DCDC1: variants seen among roughly 807,000 people sequenced by gnomAD.
The protein encoded by DCDC1 is doublecortin domain-containing protein 1.
DCDC1 carries 200 observed loss-of-function variants against 178.3 expected under a neutral mutation model. The ratio of observed to expected loss-of-function variants is 1.12; its 90% CI spans 1.00 to 1.26. The LOEUF is 1.26. Ranked by LOEUF, DCDC1 falls within the 50% of genes most tolerant of loss-of-function variation. The pLI is 0.00. For synonymous variants in DCDC1, 690 were observed against 604.8 expected, an observed-to-expected ratio of 1.14 and a Z score of -2.07; for missense variants, 1,983 against 1,749.2, an observed-to-expected ratio of 1.13 and a Z score of -2.38.
chr11:31,158,985 T>C (rs1966028288), intron 9 of DCDC1, among the ~76,000 whole-genome samples: 2 of 151,446 alleles, frequency 1.3e-5, no homozygotes, highest in Non-Finnish European at 2.9e-5. Context: ...AACATACCAA[T>C]AATATAAATT....
At chr11:30,875,079 A>C (rs1941992224) in intron 38 of DCDC1, among the ~76,000 whole-genome samples, 1 of 152,182 alleles carries the variant, frequency 6.6e-6, no homozygotes, top group South Asian at 2.1e-4. Flanking sequence ...CCTTGATAGT[A>C]GTTTCATATT....
chr11:30,918,361 C>T (rs80275587), intron 25 of DCDC1, among the ~76,000 whole-genome samples: 2,702 of 152,224 alleles, frequency 0.018, 83 homozygotes, highest in African/African-American at 0.062. Context: ...CTCCTTTAAT[C>T]AATATTTATT....
intron 9 of DCDC1, among the ~76,000 whole-genome samples, chr11:31,229,831 G>C (rs1277994847): frequency 1.3e-5 from 2 of 152,046 alleles, no homozygotes; most frequent in African/African-American, 2.4e-5. Flanking sequence ...TACACTTTAT[G>C]ATAAAAACAC....
intron 20 of DCDC1, among the ~76,000 whole-genome samples, chr11:31,005,043 T>A (rs1411662109): frequency 6.6e-6 from 1 of 152,204 alleles, no homozygotes; most frequent in Non-Finnish European, 1.5e-5. Flanking sequence ...ACTGATATGA[T>A]ATTTTATATC....
At chr11:30,977,938 A>T (rs943829059) in intron 20 of DCDC1, among the ~76,000 whole-genome samples, 1 of 152,232 alleles carries the variant, frequency 6.6e-6, no homozygotes, top group Admixed American at 6.5e-5. Context: ...TCCTAAAAAA[A>T]CCAAACAGTA....
intron 3 of DCDC1, chr11:31,314,337 T>A (rs146121334): frequency 2.6e-5 from 4 of 152,318 alleles, no homozygotes; most frequent in Non-Finnish European, 5.9e-5. Flanking sequence ...TATTTATATA[T>A]CTAACCTACC....
chr11:30,916,594 A>T (rs2134211526), intron 26 of DCDC1, among the ~76,000 whole-genome samples: 1 of 152,314 alleles, frequency 6.6e-6, no homozygotes. Flanking sequence ...CTCTGTGCTA[A>T]GTTGTCAGGA....
chr11:31,364,389 C>A (rs1951856054), intron 1 of DCDC1, among the ~76,000 whole-genome samples: 1 of 152,008 alleles, frequency 6.6e-6, no homozygotes, highest in South Asian at 2.1e-4. Context: ...GGGGAAAAAA[C>A]AAGTTGGTAT....
rs1004335763 is a variant in DCDC1 at position 31,250,758 on chromosome 11, A to T, written c.1055-9142T>A. Among the ~76,000 whole-genome samples, 9 of 142,500 alleles carry T rather than the reference A, an allele frequency of 6.3e-5. No individual in the cohort carries two copies. In the South Asian group the frequency reaches 2.0e-3, roughly 32 times the overall value. 93.5% of individuals were successfully genotyped at this position (142,500 alleles called of 152,430 possible). A position where few individuals can be genotyped will look rare whatever the true frequency, so the allele number is the denominator to read the frequency against. On this transcript the variant is annotated intron_variant, in intron 8 of 38. Coordinates refer to ENST00000684477, the MANE Select transcript of DCDC1 (RefSeq NM_001387274.1). ...ACTTATGTTAGGCAGCATCCCTAAT[A>T]TTTTTTTTTTTTTTTGAGACGGAGT...
chr11:31,101,373 A>T (rs980948209), intron 15 of DCDC1, among the ~76,000 whole-genome samples: 12 of 152,332 alleles, frequency 7.9e-5, no homozygotes, highest in African/African-American at 2.9e-4. Context: ...AGGGAAAAAA[A>T]AAAACATCTT....
At chr11:30,881,395 T>C in intron 36 of DCDC1, 87 bp from the exon 37 acceptor site, 1 of 1,482,254 alleles carries the variant, frequency 6.7e-7, no homozygotes, top group South Asian at 1.3e-5. Context: ...GAGAAAACTA[T>C]TATCCCAGTT....
rs185163177 is a variant in DCDC1 at position 30,920,119 on chromosome 11, A to T, written c.3293+657T>A. Among the ~76,000 whole-genome samples, 193 of 152,326 alleles carry T rather than the reference A, an allele frequency of 1.3e-3. 2 individuals are homozygous for T. The highest frequency in any genetic ancestry group is 3.9e-3 in the African/African-American group (162 of 41,578). On this transcript the variant is annotated intron_variant, in intron 25 of 38. Transcript: ENST00000684477. ...AACATAAACAGAATGTGCAATATGC[A>T]GGCGACAGCTTGTCGTTGCTGAGCT... is the stretch of plus-strand genomic sequence containing the variant.
At chr11:31,270,253 T>C (rs1945460333) in intron 7 of DCDC1, among the ~76,000 whole-genome samples, 1 of 152,328 alleles carries the variant, frequency 6.6e-6, no homozygotes, top group Non-Finnish European at 1.5e-5. Context: ...TACTTTGTGA[T>C]AGATTTAAAC....
intron 9 of DCDC1, among the ~76,000 whole-genome samples, chr11:31,157,370 A>AT (rs566330824): frequency 0.032 from 3,557 of 110,726 alleles, 57 homozygotes; most frequent in South Asian, 0.099. Flanking sequence ...AAAAAAAAAA[A>AT]AAATATATAT....
chr11:31,150,514 T>C (rs1965054120), intron 9 of DCDC1, among the ~76,000 whole-genome samples: 1 of 152,192 alleles, frequency 6.6e-6, no homozygotes, highest in Non-Finnish European at 1.5e-5. Context: ...CTATGATAAG[T>C]AGTATAACCG....
chr11:31,172,614 C>CAA (rs1278552935), intron 9 of DCDC1, among the ~76,000 whole-genome samples: 3 of 152,068 alleles, frequency 2.0e-5, no homozygotes, highest in African/African-American at 7.2e-5. Context: ...TATAAACAGT[C>CAA]AATTAACTCA....
chr11:30,991,093 G>C (rs1950950931), intron 20 of DCDC1, among the ~76,000 whole-genome samples: 1 of 152,252 alleles, frequency 6.6e-6, no homozygotes, highest in Non-Finnish European at 1.5e-5. Flanking sequence ...GGTTTGCCAA[G>C]GGAGGGCTAA....
intron 21 of DCDC1, among the ~76,000 whole-genome samples, chr11:30,940,966 A>G (rs1440129907): frequency 1.3e-5 from 2 of 152,110 alleles, no homozygotes; most frequent in African/African-American, 2.4e-5. Flanking sequence ...TAAAATTTTC[A>G]TTATGCTTTC....
At chr11:31,347,169 C>T (rs757850968) in intron 1 of DCDC1, among the ~76,000 whole-genome samples, 6 of 152,202 alleles carry the variant, frequency 3.9e-5, no homozygotes, top group Non-Finnish European at 7.3e-5. Flanking sequence ...AGCTGACAAA[C>T]AACCTCCTTA....
Sources: allele counts gnomAD v4.1 joint callset (sites outside exome capture counted in the v4.1 genomes callset), GRCh38; gene constraint gnomAD v4.1.1; transcripts MANE v1.5; gene names NCBI Gene and HGNC (gene_info 2026-07-23, HGNC 2026-07-21).